DIAPH3: variants seen among roughly 807,000 people sequenced by gnomAD.
DIAPH3 encodes diaphanous related formin 3.
DIAPH3 carries 117 observed loss-of-function variants against 144.3 expected under a neutral mutation model. The ratio of observed to expected loss-of-function variants is 0.81; its 90% CI spans 0.70 to 0.95. DIAPH3 has a LOEUF of 0.95. DIAPH3 is among the 40% of genes least tolerant of loss of function. DIAPH3 has a pLI of 0.00. For missense variants in DIAPH3, 1,421 were observed against 1,412.7 expected (o/e 1.01, Z -0.09); for synonymous variants, 519 against 488.9 (o/e 1.06, Z -0.81).
chr13:60,032,744 T>TA (rs2054898553), intron 5 of DIAPH3, among the ~76,000 whole-genome samples: 1 of 152,242 alleles, frequency 6.6e-6, no homozygotes, highest in Non-Finnish European at 1.5e-5. Context: ...CTCATCGTCT[T>TA]AGACATTAAC....
Position 59,927,854 on chromosome 13 carries a change from T to A in DIAPH3, c.2075-2984A>T, listed in dbSNP as rs973998272. Among the ~76,000 whole-genome samples the A allele has an allele frequency of 7.9e-5, 12 of 152,174 alleles. No individual in the cohort carries two copies. In the South Asian group the frequency reaches 2.3e-3, roughly 29 times the overall value. ...CTTTTGAAAATATGAATATAATATGTCTCACAGAAGAGTTTTTGAGTTGAA... is the reference window on the plus strand; with the variant it reads ...CTTTTGAAAATATGAATATAATATGACTCACAGAAGAGTTTTTGAGTTGAA... On this transcript the variant is annotated intron_variant, in intron 17 of 27. Transcript: ENST00000400324.
At chr13:60,072,378 T>C (rs1295905258) in intron 4 of DIAPH3, among the ~76,000 whole-genome samples, 1 of 152,182 alleles carries the variant, frequency 6.6e-6, no homozygotes, top group African/African-American at 2.4e-5. Flanking sequence ...TTTTCTCTCT[T>C]CTTGCTAAGT....
intron 25 of DIAPH3, among the ~76,000 whole-genome samples, chr13:59,792,439 A>C (rs2039376073): frequency 6.6e-6 from 1 of 152,174 alleles, no homozygotes; most frequent in South Asian, 2.1e-4. Context: ...CTCTGCCATC[A>C]TCTTGTGAGA....
At chr13:59,844,276 A>G (rs1412227307) in intron 22 of DIAPH3, among the ~76,000 whole-genome samples, 2 of 152,014 alleles carry the variant, frequency 1.3e-5, no homozygotes, top group Non-Finnish European at 2.9e-5. Flanking sequence ...TCTTAACTAT[A>G]TCCAGATCAC....
intron 27 of DIAPH3, among the ~76,000 whole-genome samples, chr13:59,703,914 G>T (rs1407494920): frequency 2.6e-5 from 4 of 152,104 alleles, no homozygotes; most frequent in Non-Finnish European, 5.9e-5. Flanking sequence ...CTTTCTTCTG[G>T]AAAGAAAAGG....
chr13:59,758,954 T>A (rs937303570), intron 27 of DIAPH3, among the ~76,000 whole-genome samples: 2 of 112,974 alleles, frequency 1.8e-5, no homozygotes, highest in East Asian at 3.0e-4. Flanking sequence ...TAATTTTGAA[T>A]TTTTTTTTTT....
intron 25 of DIAPH3, among the ~76,000 whole-genome samples, chr13:59,775,963 G>T (rs1400777343): frequency 6.6e-6 from 1 of 152,154 alleles, no homozygotes; most frequent in Non-Finnish European, 1.5e-5. Flanking sequence ...AAGCTTCAAA[G>T]GAACTACTGG....
intron 4 of DIAPH3, among the ~76,000 whole-genome samples, chr13:60,054,251 G>C (rs866139972): frequency 1.3e-5 from 2 of 152,000 alleles, no homozygotes; most frequent in South Asian, 2.1e-4. Flanking sequence ...AAAATATTAA[G>C]ATATCAGAGA....
chr13:60,047,193 T>C (rs943841982), intron 4 of DIAPH3, among the ~76,000 whole-genome samples: 7 of 151,774 alleles, frequency 4.6e-5, no homozygotes, highest in African/African-American at 1.7e-4. Flanking sequence ...GAGGACAACC[T>C]ACAAAAATAA....
At chr13:59,928,868 G>A (rs369403932) in intron 17 of DIAPH3, among the ~76,000 whole-genome samples, 2 of 152,144 alleles carry the variant, frequency 1.3e-5, no homozygotes, top group Non-Finnish European at 2.9e-5. Flanking sequence ...TGGGCCCCTG[G>A]GGGTTGTACT....
At chr13:60,048,953 C>T (rs566391715) in intron 4 of DIAPH3, among the ~76,000 whole-genome samples, 10 of 152,062 alleles carry the variant, frequency 6.6e-5, no homozygotes, top group Admixed American at 6.5e-4. Context: ...AAGTGTTAAG[C>T]AGGAGGAAAA....
intron 25 of DIAPH3, among the ~76,000 whole-genome samples, chr13:59,810,122 G>C (rs925245942): frequency 6.7e-6 from 1 of 148,576 alleles, no homozygotes; most frequent in African/African-American, 2.5e-5. Flanking sequence ...ATGTTTACAA[G>C]AAAAAAAAAA....
chr13:59,970,390 T>C (rs1162861315), intron 16 of DIAPH3, among the ~76,000 whole-genome samples: 1 of 152,194 alleles, frequency 6.6e-6, no homozygotes, highest in African/African-American at 2.4e-5. Flanking sequence ...ATTTTCCATG[T>C]TTCTGTTACC....
intron 24 of DIAPH3, among the ~76,000 whole-genome samples, chr13:59,812,445 A>G (rs1269989989): frequency 6.6e-6 from 1 of 152,196 alleles, no homozygotes; most frequent in African/African-American, 2.4e-5. Flanking sequence ...AGAGTGCATA[A>G]GAGAGCACAC....
At chr13:59,821,705 A>G (rs1429484217) in intron 24 of DIAPH3, among the ~76,000 whole-genome samples, 4 of 152,324 alleles carry the variant, frequency 2.6e-5, no homozygotes, top group Admixed American at 2.0e-4. Context: ...AAAGAAATCT[A>G]GAATGACAGT....
At chr13:59,827,298 A>G (rs1299792323) in intron 24 of DIAPH3, among the ~76,000 whole-genome samples, 1 of 152,166 alleles carries the variant, frequency 6.6e-6, no homozygotes, top group Non-Finnish European at 1.5e-5. Context: ...CAAAGGGCTA[A>G]TATCCAGAAT....
Position 59,850,354 on chromosome 13 carries a change from A to G in DIAPH3, c.2738-10906T>C, listed in dbSNP as rs1239886348. Among the ~76,000 whole-genome samples, 1,364 of 151,120 alleles carry G rather than the reference A, an allele frequency of 9.0e-3. 11 individuals are homozygous for G. Among genetic ancestry groups the G allele is most frequent in the African/African-American group, 0.031 (1,282 of 41,112 alleles). On this transcript the variant is annotated intron_variant, in intron 22 of 27. Transcript: ENST00000400324. ...TGGCCTGGCCAGAACTTCCAACACT[A>G]TGTTGAATAGGAGCGGTGAGAGAGG... is the stretch of plus-strand genomic sequence containing the variant.
At chr13:59,721,308 T>C (rs1023094232) in intron 27 of DIAPH3, among the ~76,000 whole-genome samples, 3 of 152,170 alleles carry the variant, frequency 2.0e-5, no homozygotes, top group Non-Finnish European at 4.4e-5. Flanking sequence ...AGAAGATTGA[T>C]AGGGATATGT....
chr13:59,858,993 T>C (rs1370021349), intron 22 of DIAPH3, among the ~76,000 whole-genome samples: 1 of 152,162 alleles, frequency 6.6e-6, no homozygotes, highest in Non-Finnish European at 1.5e-5. Flanking sequence ...ATTCATGTGA[T>C]AGCTCACTGA....
Sources: allele counts gnomAD v4.1 joint callset (sites outside exome capture counted in the v4.1 genomes callset), GRCh38; gene constraint gnomAD v4.1.1; transcripts MANE v1.5; gene names NCBI Gene and HGNC (gene_info 2026-07-23, HGNC 2026-07-21).